The following CNTN1 variants were observed in gnomAD, a reference collection of about 807,000 sequenced individuals.
CNTN1 encodes contactin-1.
In CNTN1, 38 loss-of-function variants were observed where a neutral mutation model predicts 126.4. That is an observed-to-expected ratio of 0.30 (90% confidence interval 0.23 to 0.39). The LOEUF is 0.39. Among genes scored for constraint, CNTN1 ranks in the 10% least tolerant of loss-of-function variants. The pLI, the probability that CNTN1 is intolerant of heterozygous loss-of-function variation, is 1.00. For synonymous variants in CNTN1, 413 were observed against 422.6 expected, an observed-to-expected ratio of 0.98 and a Z score of 0.28; for missense variants, 1,009 against 1,248.4, an observed-to-expected ratio of 0.81 and a Z score of 2.89.
intron 13 of CNTN1, 40 bp from the exon 14 acceptor site, chr12:40,943,955 A>G (rs1946348545): frequency 6.4e-7 from 1 of 1,570,836 alleles, no homozygotes. Flanking sequence ...ATTGTGTCTT[A>G]TATCTTCTTG....
intron 1 of CNTN1, among the ~76,000 whole-genome samples, chr12:40,796,175 G>T (rs925746030): frequency 2.8e-4 from 43 of 152,024 alleles, no homozygotes; most frequent in African/African-American, 1.0e-3. Context: ...CTAAGCACAG[G>T]AGGCTTCATG....
intron 18 of CNTN1, 112 bp downstream of exon 18, chr12:41,014,410 C>A: frequency 1.9e-6 from 2 of 1,049,616 alleles, no homozygotes; most frequent in Non-Finnish European, 2.9e-6. Flanking sequence ...ACTGCACAAG[C>A]AAGAATATAT....
chr12:40,695,501 G>A (rs1383251944), intron 1 of CNTN1, among the ~76,000 whole-genome samples: 2 of 152,068 alleles, frequency 1.3e-5, no homozygotes, highest in Non-Finnish European at 2.9e-5. Flanking sequence ...TACAAAATAT[G>A]TCCTGTAATT....
chr12:40,972,471 A>G (rs993751418), intron 15 of CNTN1: 5 of 977,772 alleles, frequency 5.1e-6, no homozygotes, highest in Non-Finnish European at 4.9e-6. Context: ...CTTTTACTTC[A>G]TCTAGCAATT....
At chr12:40,828,990 T>C (rs938504238) in intron 1 of CNTN1, among the ~76,000 whole-genome samples, 2 of 152,152 alleles carry the variant, frequency 1.3e-5, no homozygotes, top group Non-Finnish European at 2.9e-5. Flanking sequence ...TTTTAAAAAT[T>C]ACCCCTATAC....
chr12:40,806,563 G>C (rs901222659), intron 1 of CNTN1, among the ~76,000 whole-genome samples: 1 of 152,098 alleles, frequency 6.6e-6, no homozygotes, highest in African/African-American at 2.4e-5. Context: ...ACCAGTGGGG[G>C]CTCTCTGGTC....
At chr12:41,031,066 C>T (rs1949136460) in intron 23 of CNTN1, among the ~76,000 whole-genome samples, 1 of 152,168 alleles carries the variant, frequency 6.6e-6, no homozygotes, top group African/African-American at 2.4e-5. Flanking sequence ...CTTTTGCTCT[C>T]TGTACTCACC....
intron 7 of CNTN1, 89 bp from the exon 8 acceptor site, chr12:40,933,372 C>T (rs575916673): frequency 5.5e-6 from 5 of 916,558 alleles, no homozygotes; most frequent in Non-Finnish European, 7.3e-6. Flanking sequence ...CATGTTGGAG[C>T]AGCTCTAATC....
chr12:40,948,254 C>CTTTTT (rs1351564954), intron 14 of CNTN1, among the ~76,000 whole-genome samples: 3 of 59,744 alleles, frequency 5.0e-5, no homozygotes, highest in African/African-American at 2.1e-4. Context: ...GTTTTTCTTT[C>CTTTTT]TTTCTTTTTT....
intron 1 of CNTN1, among the ~76,000 whole-genome samples, chr12:40,702,646 G>T (rs1941630510): frequency 6.6e-6 from 1 of 152,046 alleles, no homozygotes; most frequent in Non-Finnish European, 1.5e-5. Context: ...ATGTTGGCCA[G>T]GCTGGTCGTG....
intron 1 of CNTN1, among the ~76,000 whole-genome samples, chr12:40,830,742 G>A (rs1941782368): frequency 7.3e-6 from 1 of 137,606 alleles, no homozygotes; most frequent in African/African-American, 2.7e-5. Flanking sequence ...GTAATAAATT[G>A]AAGTAGAAAT....
At chr12:40,776,706 C>T (rs1939590678) in intron 1 of CNTN1, among the ~76,000 whole-genome samples, 1 of 151,654 alleles carries the variant, frequency 6.6e-6, no homozygotes, top group African/African-American at 2.4e-5. Flanking sequence ...TTAACACCTC[C>T]CTTTACTATT....
intron 20 of CNTN1, among the ~76,000 whole-genome samples, chr12:41,023,473 CA>C (rs999346385): frequency 5.9e-5 from 9 of 152,166 alleles, no homozygotes; most frequent in Admixed American, 5.9e-4. Context: ...TAGAAGAATA[CA>C]AGAAGTCTTT....
intron 16 of CNTN1, among the ~76,000 whole-genome samples, chr12:40,987,089 T>C (rs1027813203): frequency 6.6e-6 from 1 of 152,162 alleles, no homozygotes; most frequent in African/African-American, 2.4e-5. Flanking sequence ...GTTAGTGTAC[T>C]AGTGAAGTTC....
intron 1 of CNTN1, among the ~76,000 whole-genome samples, chr12:40,862,206 A>AACACACACACACACACACACACACAC (rs557164441): frequency 1.1e-5 from 1 of 94,162 alleles, no homozygotes; most frequent in Non-Finnish European, 2.0e-5. Context: ...CTTGTCTCTT[A>AACACACACACACACACACACACACAC]ATACACACAC....
intron 1 of CNTN1, among the ~76,000 whole-genome samples, chr12:40,903,962 T>C (rs1270438208): frequency 6.6e-6 from 1 of 152,206 alleles, no homozygotes; most frequent in Admixed American, 6.5e-5. Flanking sequence ...ACTGCAGGAA[T>C]CCCTAACAAG....
chr12:41,063,670 T>C, intron 23 of CNTN1, among the ~76,000 whole-genome samples: 1 of 152,180 alleles, frequency 6.6e-6, no homozygotes, highest in South Asian at 2.1e-4. Flanking sequence ...GATGGAAAGC[T>C]TCTCCAAACT....
chr12:40,858,753 T>C (rs904747508), intron 1 of CNTN1, among the ~76,000 whole-genome samples: 10 of 152,046 alleles, frequency 6.6e-5, no homozygotes, highest in African/African-American at 2.4e-4. Context: ...ATAGACTGGA[T>C]AAAGAAAATG....
chr12:40,904,315 C>A (rs1944728260), intron 1 of CNTN1, among the ~76,000 whole-genome samples: 1 of 151,800 alleles, frequency 6.6e-6, no homozygotes, highest in African/African-American at 2.4e-5. Flanking sequence ...CCCCGCCCAG[C>A]CCTCTTCTCT....
Sources: allele counts gnomAD v4.1 joint callset (sites outside exome capture counted in the v4.1 genomes callset), GRCh38; gene constraint gnomAD v4.1.1; transcripts MANE v1.5; gene names NCBI Gene and HGNC (gene_info 2026-07-23, HGNC 2026-07-21).